PLXDC2: variants seen among roughly 807,000 people sequenced by gnomAD.
The protein encoded by PLXDC2 is plexin domain-containing protein 2.
PLXDC2 carries 40 observed loss-of-function variants against 68.9 expected under a neutral mutation model. That is an observed-to-expected ratio of 0.58 (90% CI 0.45 to 0.76). The LOEUF (loss-of-function observed/expected upper bound fraction) is 0.76, where lower values mean the gene tolerates loss of function less well. PLXDC2 is among the 30% of genes least tolerant of loss of function. The pLI is 0.00. For missense variants in PLXDC2, 644 were observed against 661.9 expected (o/e 0.97, Z 0.30); for synonymous variants, 243 against 234.2 (o/e 1.04, Z -0.34).
Position 20,280,911 on chromosome 10 carries a change from A to G in PLXDC2, c.*1092A>G, listed in dbSNP as rs930562102. 4 of 151,580 alleles carry G rather than the reference A, an allele frequency of 2.6e-5. No individual in the cohort carries two copies. The highest frequency in any genetic ancestry group is 5.9e-5 in the Non-Finnish European group (4 of 67,908). 9.4% of individuals were successfully genotyped at this position (151,580 alleles called of 1,614,324 possible). On this transcript the variant is annotated 3_prime_UTR_variant, in exon 14 of 14. Transcript: ENST00000377252. ...TAAAGCACATAGTAGTTACATAAAT[A>G]TATATATATAAATATATTTTTGTTT...
At chr10:19,884,622 C>A (rs34284561) in intron 1 of PLXDC2, among the ~76,000 whole-genome samples, 1 of 151,320 alleles carries the variant, frequency 6.6e-6, no homozygotes, top group Non-Finnish European at 1.5e-5. Flanking sequence ...TTTGTTCTTG[C>A]GATAGTTTAC....
Position 20,277,116 on chromosome 10 carries a change from A to G in PLXDC2, c.1474-2587A>G, listed in dbSNP as rs367718502. On this transcript the variant is annotated intron_variant, in intron 13 of 13. Transcript: ENST00000377252. ...CCCAGCTACTCAGGAGGCTGAGGCA[A>G]GAGAATCGCTTGAACCCAGGAGGTG... 4.0e-5 allele frequency among the ~76,000 whole-genome samples: 6 copies of G among 148,854 alleles called. No homozygotes were observed. The South Asian group carries it at 8.7e-4, about 22-fold the overall frequency.
At chr10:20,191,614 G>A (rs905027440) in intron 9 of PLXDC2, among the ~76,000 whole-genome samples, 10 of 150,944 alleles carry the variant, frequency 6.6e-5, no homozygotes, top group Admixed American at 4.0e-4. Context: ...GGGCCCTGGT[G>A]TGTGTTGTTC....
At chr10:20,108,689 T>A (rs980277988) in intron 4 of PLXDC2, among the ~76,000 whole-genome samples, 16 of 152,176 alleles carry the variant, frequency 1.1e-4, no homozygotes, top group African/African-American at 3.9e-4. Context: ...TCATCCTCTT[T>A]TTTAAATTGA....
chr10:20,129,786 G>A (rs922748441), intron 4 of PLXDC2, among the ~76,000 whole-genome samples: 3 of 152,002 alleles, frequency 2.0e-5, no homozygotes, highest in African/African-American at 7.2e-5. Flanking sequence ...CAGCCATTGT[G>A]TTCTTGTCAT....
At chr10:19,997,533 G>A (rs1834862915) in intron 1 of PLXDC2, among the ~76,000 whole-genome samples, 1 of 152,194 alleles carries the variant, frequency 6.6e-6, no homozygotes, top group Non-Finnish European at 1.5e-5. Context: ...CCTGTCTTAT[G>A]TGTGTGCTTT....
At chr10:20,189,278 A>C (rs1425510076) in intron 9 of PLXDC2, among the ~76,000 whole-genome samples, 1 of 150,930 alleles carries the variant, frequency 6.6e-6, no homozygotes, top group Non-Finnish European at 1.5e-5. Flanking sequence ...CTTTTGAAAA[A>C]AATACATAAG....
chr10:20,118,161 A>C (rs1833647692), intron 4 of PLXDC2, among the ~76,000 whole-genome samples: 1 of 151,934 alleles, frequency 6.6e-6, no homozygotes, highest in East Asian at 1.9e-4. Context: ...CCCTTTTATA[A>C]AAACTAAGCC....
At chr10:19,841,529 G>A (rs1316041634) in intron 1 of PLXDC2, among the ~76,000 whole-genome samples, 1 of 129,322 alleles carries the variant, frequency 7.7e-6, no homozygotes, top group Non-Finnish European at 1.6e-5. Flanking sequence ...AATATGGTGT[G>A]TTTCAGGGTT....
At chr10:20,052,095 ACAAC>A (rs762757552) in intron 3 of PLXDC2, among the ~76,000 whole-genome samples, 6 of 151,960 alleles carry the variant, frequency 3.9e-5, no homozygotes, top group Non-Finnish European at 7.4e-5. Flanking sequence ...TCCATTTATA[ACAAC>A]CAGATTGGTA....
chr10:20,073,401 A>G (rs1836374486), intron 4 of PLXDC2, among the ~76,000 whole-genome samples: 1 of 152,238 alleles, frequency 6.6e-6, no homozygotes, highest in South Asian at 2.1e-4. Context: ...GTTGTTTAAC[A>G]ATATAGACAT....
intron 4 of PLXDC2, among the ~76,000 whole-genome samples, chr10:20,098,527 T>C (rs1271507117): frequency 6.6e-6 from 1 of 152,114 alleles, no homozygotes; most frequent in African/African-American, 2.4e-5. Flanking sequence ...CATTTTCCCA[T>C]ATAAAGTAAC....
Position 19,816,879 on chromosome 10 carries a change from C to G in PLXDC2, c.-201C>G, listed in dbSNP as rs1278230120. The G allele has an allele frequency of 1.3e-5, 8 of 594,850 alleles. No homozygotes were observed. The highest frequency in any genetic ancestry group is 4.0e-5 in the South Asian group (2 of 49,722). The allele number at this position is 594,850 out of a possible 1,614,324, so 36.8% of individuals were successfully genotyped here. On this transcript the variant is annotated 5_prime_UTR_variant, in exon 1 of 14. Transcript: ENST00000377252. Reference sequence around the variant, plus strand: ...AGTTGCAAAGAGAGCCTCAGAGGTCCGAAGAGCGCTGCGCTCCTACTCGCG... The same window carrying G: ...AGTTGCAAAGAGAGCCTCAGAGGTCGGAAGAGCGCTGCGCTCCTACTCGCG...
intron 1 of PLXDC2, among the ~76,000 whole-genome samples, chr10:19,972,505 C>A (rs1224116318): frequency 6.6e-6 from 1 of 152,120 alleles, no homozygotes; most frequent in East Asian, 1.9e-4. Context: ...GTGTTCACTA[C>A]CTGGGTGAAG....
intron 1 of PLXDC2, among the ~76,000 whole-genome samples, chr10:19,893,732 T>C (rs1405453612): frequency 6.6e-6 from 1 of 152,246 alleles, no homozygotes; most frequent in East Asian, 1.9e-4. Context: ...AGTGAAATTC[T>C]GTCATAAGTG....
At chr10:19,853,290 A>C (rs973563818) in intron 1 of PLXDC2, among the ~76,000 whole-genome samples, 3 of 152,220 alleles carry the variant, frequency 2.0e-5, no homozygotes, top group Admixed American at 2.0e-4. Flanking sequence ...AAGAACTGCA[A>C]AGAATGTGAA....
At chr10:20,235,710 A>G (rs1835423534) in intron 12 of PLXDC2, among the ~76,000 whole-genome samples, 1 of 152,188 alleles carries the variant, frequency 6.6e-6, no homozygotes, top group Admixed American at 6.5e-5. Flanking sequence ...ACTGATAAGA[A>G]GAGTGAAGGG....
chr10:20,209,620 A>G (rs1331941603), intron 9 of PLXDC2, among the ~76,000 whole-genome samples: 1 of 152,118 alleles, frequency 6.6e-6, no homozygotes, highest in Non-Finnish European at 1.5e-5. Flanking sequence ...CGCCCGGCTC[A>G]CCAGCAGTCA....
intron 1 of PLXDC2, among the ~76,000 whole-genome samples, chr10:19,951,650 A>G (rs553486107): frequency 7.2e-5 from 11 of 152,356 alleles, no homozygotes; most frequent in Admixed American, 3.9e-4. Context: ...ATTACTGGGT[A>G]TATATCCAAA....
Sources: allele counts gnomAD v4.1 joint callset (sites outside exome capture counted in the v4.1 genomes callset), GRCh38; gene constraint gnomAD v4.1.1; transcripts MANE v1.5; gene names NCBI Gene and HGNC (gene_info 2026-07-23, HGNC 2026-07-21).